SUMO2: variants seen among roughly 807,000 people sequenced by gnomAD.
The protein encoded by SUMO2 is small ubiquitin like modifier 2.
A neutral mutation model predicts 16.0 loss-of-function variants in SUMO2; 1 was observed. The ratio of observed to expected loss-of-function variants is 0.06; its 90% CI spans 0.02 to 0.30. The LOEUF is 0.30. Ranked by LOEUF, SUMO2 falls within the 10% of genes least tolerant of loss-of-function variation. The pLI, the probability that SUMO2 is intolerant of heterozygous loss-of-function variation, is 1.00. For synonymous variants in SUMO2, 36 were observed against 40.6 expected, an observed-to-expected ratio of 0.89 and a Z score of 0.43; for missense variants, 16 against 117.5, an observed-to-expected ratio of 0.14 and a Z score of 3.99.
chr17:75,172,770 C>T (rs1246736473), intron 3 of SUMO2, among the ~76,000 whole-genome samples: 1 of 151,950 alleles, frequency 6.6e-6, no homozygotes, highest in African/African-American at 2.4e-5. Context: ...CCACTGCGCC[C>T]GGCGATGCCT....
chr17:75,174,089 C>T (rs2074763151), intron 3 of SUMO2, among the ~76,000 whole-genome samples: 1 of 152,138 alleles, frequency 6.6e-6, no homozygotes, highest in African/African-American at 2.4e-5. Context: ...GCATGTAGAA[C>T]TAAAATGGTG....
Position 75,182,683 on chromosome 17 carries a change from G to C in SUMO2, c.21+131C>G, listed in dbSNP as rs1283006252. 4.3e-6 allele frequency: 3 copies of C among 701,486 alleles called. No individual in the cohort carries two copies. The East Asian group carries it at 1.2e-4, about 29-fold the overall frequency. The allele number at this position is 701,486 out of a possible 1,614,324, so 43.5% of individuals were successfully genotyped here. On this transcript the variant is annotated intron_variant, in intron 1 of 3. Coordinates refer to ENST00000420826, the MANE Select transcript of SUMO2 (RefSeq NM_006937.4). ...GAGGAAAATGGCGCGGAGCGCCCGGGCCTGAGCCGCGGCCGGCCCCGTGGG... is the reference window on the plus strand; with the variant it reads ...GAGGAAAATGGCGCGGAGCGCCCGGCCCTGAGCCGCGGCCGGCCCCGTGGG...
intron 3 of SUMO2, among the ~76,000 whole-genome samples, chr17:75,169,503 C>T (rs1390311953): frequency 6.6e-6 from 1 of 151,438 alleles, no homozygotes; most frequent in Non-Finnish European, 1.5e-5. Context: ...CCTGCCTCAG[C>T]CTCCCGAGTA....
intron 3 of SUMO2, among the ~76,000 whole-genome samples, chr17:75,174,206 A>G (rs1248662332): frequency 7.2e-5 from 11 of 151,726 alleles, no homozygotes. Flanking sequence ...CCTGGCCAAC[A>G]TGGTGAAACC....
intron 2 of SUMO2, among the ~76,000 whole-genome samples, chr17:75,180,604 G>A (rs1330040158): frequency 6.6e-6 from 1 of 151,748 alleles, no homozygotes; most frequent in African/African-American, 2.4e-5. Context: ...TGTAATCCCA[G>A]ATACTCAGGA....
At chr17:75,175,222 C>G (rs1213457386) in intron 2 of SUMO2, among the ~76,000 whole-genome samples, 1 of 150,590 alleles carries the variant, frequency 6.6e-6, no homozygotes, top group Admixed American at 6.6e-5. Flanking sequence ...ACCTCAGGTG[C>G]TCCGTCCGCC....
In SUMO2 at chr17:75,167,977, A is replaced by C. The variant is rs1046574416; in HGVS notation, c.*362T>G. 2 of 170,126 alleles carry C rather than the reference A, an allele frequency of 1.2e-5. No homozygotes were observed. The highest frequency in any genetic ancestry group is 2.5e-5 in the Non-Finnish European group (2 of 79,402). The allele number at this position is 170,126 out of a possible 1,614,324, so 10.5% of individuals were successfully genotyped here. A position where few individuals can be genotyped will look rare whatever the true frequency, so the allele number is the denominator to read the frequency against. ...ATGTTGTTGTTTTTTTTTTTTGTTA[A>C]AACAGTGAGAGCAAAATAACTTACT... On this transcript the variant is annotated 3_prime_UTR_variant, in exon 4 of 4. Coordinates refer to ENST00000420826, the MANE Select transcript of SUMO2 (RefSeq NM_006937.4).
intron 2 of SUMO2, among the ~76,000 whole-genome samples, chr17:75,176,812 C>G (rs765844929): frequency 6.6e-5 from 10 of 152,090 alleles, no homozygotes; most frequent in Non-Finnish European, 2.9e-5. Flanking sequence ...CACAGTCTAT[C>G]CCTTGCACAT....
At position 75,166,617 on chromosome 17, in the gene SUMO2, T is replaced by C. The variant is rs1182258009; in HGVS notation, c.*1722A>G. On this transcript the variant is annotated 3_prime_UTR_variant, in exon 4 of 4. Coordinates refer to ENST00000420826, the MANE Select transcript of SUMO2 (RefSeq NM_006937.4). The stretch of plus-strand genomic sequence containing the variant: ...CGGCCTGGACAATATGGCGAAACAC[T>C]CTCTATAAAAAATACAAGAATTAGC... 1 of 151,874 alleles carries C rather than the reference T, an allele frequency of 6.6e-6. No homozygotes were observed. Among genetic ancestry groups the C allele is most frequent in the Non-Finnish European group, 1.5e-5 (1 of 67,916 alleles). 9.4% of individuals were successfully genotyped at this position (151,874 alleles called of 1,614,324 possible).
In SUMO2 at chr17:75,170,667, A is replaced by G. The variant is rs181553038; in HGVS notation, c.226-2266T>C. On this transcript the variant is annotated intron_variant, in intron 3 of 3. Transcript: ENST00000420826. ...CATTCGAGACCAGCCTGGCCAACAT[A>G]GTGAAACCCCGTCTCTACTAAAAAT... Among the ~76,000 whole-genome samples, 52 of 151,670 alleles carry G rather than the reference A, an allele frequency of 3.4e-4. 1 individual carries two copies. The highest frequency in any genetic ancestry group is 1.2e-3 in the African/African-American group (48 of 41,380).
chr17:75,168,510 G>T, intron 3 of SUMO2, 109 bp from the exon 4 acceptor site: 1 of 907,792 alleles, frequency 1.1e-6, no homozygotes, highest in Non-Finnish European at 1.6e-6. Context: ...TAAGTTCCAA[G>T]TTTCATTATT....
intron 1 of SUMO2, 147 bp downstream of exon 1, chr17:75,182,667 G>A (rs1270298613): frequency 1.8e-6 from 1 of 554,410 alleles, no homozygotes; most frequent in Non-Finnish European, 2.6e-6. Context: ...GGAGGAAAAT[G>A]GCGCGGAGCG....
chr17:75,180,956 C>G, intron 2 of SUMO2, 101 bp downstream of exon 2: 1 of 1,417,574 alleles, frequency 7.1e-7, no homozygotes, highest in Non-Finnish European at 9.7e-7. Flanking sequence ...TTCATCCCAT[C>G]AAAAAGTCAC....
At chr17:75,178,035 A>T (rs933285015) in intron 2 of SUMO2, among the ~76,000 whole-genome samples, 1 of 147,714 alleles carries the variant, frequency 6.8e-6, no homozygotes, top group South Asian at 2.2e-4. Context: ...GCACAAGCCT[A>T]TAGTCCCAAC....
chr17:75,175,184 G>T (rs1388797158), intron 2 of SUMO2, among the ~76,000 whole-genome samples: 6 of 152,124 alleles, frequency 3.9e-5, no homozygotes, highest in African/African-American at 1.2e-4. Flanking sequence ...GGTTTCATCA[G>T]GTTGGCCAGG....
At chr17:75,175,812 T>C (rs779704830) in intron 2 of SUMO2, among the ~76,000 whole-genome samples, 4 of 151,772 alleles carry the variant, frequency 2.6e-5, no homozygotes, top group African/African-American at 7.3e-5. Flanking sequence ...TTTGTGTTTT[T>C]AGTAGAGACA....
At chr17:75,168,648 G>T (rs570359286) in intron 3 of SUMO2, among the ~76,000 whole-genome samples, 1 of 151,930 alleles carries the variant, frequency 6.6e-6, no homozygotes, top group South Asian at 2.1e-4. Flanking sequence ...TGTCACCCAG[G>T]CTGGACTGCA....
chr17:75,167,687 C>A lies in SUMO2; in HGVS notation c.*652G>T. ...CAGGCCTATTTATGTTTTTTCTAAG[C>A]CTCAATTTTCTATTTAATATTTCTC... On this transcript the variant is annotated 3_prime_UTR_variant, in exon 4 of 4. Coordinates refer to ENST00000420826, the MANE Select transcript of SUMO2 (RefSeq NM_006937.4). The A allele has an allele frequency of 6.6e-6, 1 of 152,608 alleles. No individual in the cohort carries two copies. Among genetic ancestry groups the A allele is most frequent in the South Asian group, 2.1e-4 (1 of 4,830 alleles). The allele number at this position is 152,608 out of a possible 1,614,324, so 9.5% of individuals were successfully genotyped here.
At chr17:75,168,745 G>A (rs1458389844) in intron 3 of SUMO2, among the ~76,000 whole-genome samples, 1 of 151,988 alleles carries the variant, frequency 6.6e-6, no homozygotes, top group Non-Finnish European at 1.5e-5. Flanking sequence ...TGAGATTACA[G>A]GCATCCGCCA....
Sources: allele counts gnomAD v4.1 joint callset (sites outside exome capture counted in the v4.1 genomes callset), GRCh38; gene constraint gnomAD v4.1.1; transcripts MANE v1.5; gene names NCBI Gene and HGNC (gene_info 2026-07-23, HGNC 2026-07-21).